Variants in TM4SF5 observed in about 807,000 individuals in gnomAD.
TM4SF5 encodes the protein transmembrane 4 L6 family member 5.
In TM4SF5, 16 loss-of-function variants were observed where a neutral mutation model predicts 22.3. That is an observed-to-expected ratio of 0.72 (90% CI 0.49 to 1.09). TM4SF5 has a LOEUF of 1.09. Among genes scored for constraint, TM4SF5 ranks in the 50% least tolerant of loss-of-function variants. The probability of loss-of-function intolerance (pLI) is 0.00; values close to 1 mark genes in which losing one functional copy is unlikely to be tolerated. For synonymous variants in TM4SF5, 113 were observed against 109.6 expected (o/e 1.03, Z -0.19); for missense variants, 249 against 266.1 (o/e 0.94, Z 0.45).
intron 1 of TM4SF5, among the ~76,000 whole-genome samples, chr17:4,773,158 G>C (rs1181509668): frequency 1.3e-5 from 2 of 151,994 alleles, no homozygotes; most frequent in African/African-American, 2.4e-5. Flanking sequence ...GCCCCCCTCG[G>C]CCTCCCAAAG....
chr17:4,782,618 G>T lies in TM4SF5; in HGVS notation c.374G>T (p.Gly125Val). The change falls in exon 3 of 5, where the codon GGC (glycine) becomes GTC (valine). Residue 125 changes from glycine (G) to valine (V), a missense_variant. Coordinates refer to ENST00000270560, the MANE Select transcript of TM4SF5 (RefSeq NM_003963.3). ...AGATGCTTAATGAACGGCGAGTGGG[G>T]CTACCACTTCGAAGACACCGCGTAA... Reference protein sequence around the residue: ...GPRCLMNGEWGYHFEDTAGAY... With the variant: ...GPRCLMNGEWVYHFEDTAGAY... 1 of 1,614,176 alleles carries T rather than the reference G, an allele frequency of 6.2e-7. No individual in the cohort carries two copies. The highest frequency in any genetic ancestry group is 8.5e-7 in the Non-Finnish European group (1 of 1,180,042).
At chr17:4,776,297 T>C (rs1421157864) in intron 1 of TM4SF5, among the ~76,000 whole-genome samples, 1 of 150,850 alleles carries the variant, frequency 6.6e-6, no homozygotes, top group African/African-American at 2.5e-5. Flanking sequence ...GTTTTTTTGC[T>C]TTTTTGCTTT....
intron 1 of TM4SF5, among the ~76,000 whole-genome samples, chr17:4,778,297 G>T (rs1917242664): frequency 6.6e-6 from 1 of 152,048 alleles, no homozygotes; most frequent in African/African-American, 2.4e-5. Context: ...ACAAAATGCT[G>T]CCTTGGATGG....
At position 4,780,838 on chromosome 17, in the gene TM4SF5, G is replaced by T; in HGVS notation, c.227G>T (p.Cys76Phe). ...GTTCGGGCAGGGGGCAAGGGCTGCT[G>T]TGGTGCTGGGTGCTGTGGAAACCGC... is the stretch of plus-strand genomic sequence containing the variant. ...AAVRAGGKGC[C>F]GAGCCGNRCR... is the part of the protein sequence containing the mutation. Residue 76 changes from cysteine to phenylalanine, a missense_variant, in exon 2 of 5, where the codon TGT becomes TTT. Physicochemically the swap from Cys to Phe is radical, Grantham distance 205 (BLOSUM62 -2). Coordinates refer to ENST00000270560, the MANE Select transcript of TM4SF5 (RefSeq NM_003963.3). The T allele has an allele frequency of 3.1e-6, 5 of 1,611,336 alleles. No individual in the cohort carries two copies. Among genetic ancestry groups the T allele is most frequent in the Non-Finnish European group, 4.2e-6 (5 of 1,178,686 alleles).
chr17:4,774,738 C>T (rs1917177444), intron 1 of TM4SF5, among the ~76,000 whole-genome samples: 2 of 151,946 alleles, frequency 1.3e-5, no homozygotes, highest in Non-Finnish European at 2.9e-5. Flanking sequence ...GAAATCCTGT[C>T]TCTACTAAAA....
intron 1 of TM4SF5, among the ~76,000 whole-genome samples, chr17:4,777,896 A>C (rs962978273): frequency 3.9e-5 from 6 of 152,006 alleles, no homozygotes; most frequent in African/African-American, 1.4e-4. Flanking sequence ...AAAAAGAAAA[A>C]ATTAGCTGAG....
In TM4SF5 at chr17:4,782,523, C is replaced by T. The variant is rs756162899; in HGVS notation, c.279C>T (p.Ser93=). The T allele has an allele frequency of 1.2e-6, 2 of 1,614,068 alleles. No individual in the cohort carries two copies. Among genetic ancestry groups the T allele is most frequent in the East Asian group, 2.2e-5 (1 of 44,872 alleles). The change falls in exon 3 of 5, where the codon TCC becomes TCT. Residue 93 remains serine, a synonymous_variant. Coordinates refer to ENST00000270560, the MANE Select transcript of TM4SF5 (RefSeq NM_003963.3). Reference sequence around the variant, plus strand: ...TCCAGATGCTGCGCTCGGTCTTCTCCTCGGCGTTCGGGGTGCTTGGTGCCA... The same window carrying T: ...TCCAGATGCTGCGCTCGGTCTTCTCTTCGGCGTTCGGGGTGCTTGGTGCCA... ...NRCRMLRSVF[S]SAFGVLGAIY... is the part of the protein sequence containing the mutation.
Position 4,777,072 on chromosome 17 carries a change from C to T in TM4SF5, c.178-3717C>T, listed in dbSNP as rs564438736. Among the ~76,000 whole-genome samples, 250 of 151,802 alleles carry T rather than the reference C, an allele frequency of 1.6e-3. 1 individual carries two copies. The highest frequency in any genetic ancestry group is 5.7e-3 in the African/African-American group (235 of 41,410). The stretch of plus-strand genomic sequence containing the variant: ...GTTAGCAGGGCATGGTGGTGCATGC[C>T]TGTAATCCCAGCTACTCGGAAGGCT... On this transcript the variant is annotated intron_variant, in intron 1 of 4. Coordinates refer to ENST00000270560, the MANE Select transcript of TM4SF5 (RefSeq NM_003963.3).
At chr17:4,773,865 C>CCCAAATATGCATTCACAGCTG (rs1383300312) in intron 1 of TM4SF5, among the ~76,000 whole-genome samples, 2 of 152,162 alleles carry the variant, frequency 1.3e-5, no homozygotes, top group Non-Finnish European at 2.9e-5. Flanking sequence ...GTCTGCCTTC[C>CCCAAATATGCATTCACAGCTG]CCAAATATGC....
chr17:4,772,152 G>C, intron 1 of TM4SF5, 53 bp downstream of exon 1: 1 of 1,604,526 alleles, frequency 6.2e-7, no homozygotes, highest in Non-Finnish European at 8.5e-7. Context: ...CCACCTAAGG[G>C]GTTCTGAACA....
chr17:4,781,854 G>A (rs1917315685), intron 2 of TM4SF5, among the ~76,000 whole-genome samples: 1 of 151,828 alleles, frequency 6.6e-6, no homozygotes, highest in Non-Finnish European at 1.5e-5. Flanking sequence ...CAAACCCCGG[G>A]CTTGCAGTTA....
intron 2 of TM4SF5, 63 bp from the exon 3 acceptor site, chr17:4,782,440 C>T: frequency 6.3e-7 from 1 of 1,596,562 alleles, no homozygotes; most frequent in Non-Finnish European, 8.6e-7. Context: ...GGGGCTGGCG[C>T]TGAGCGTCGT....
intron 1 of TM4SF5, 129 bp downstream of exon 1, chr17:4,772,228 C>T (rs1211085662): frequency 7.8e-6 from 9 of 1,156,786 alleles, no homozygotes; most frequent in African/African-American, 1.5e-5. Context: ...TTCGTGGGGG[C>T]TAGCAGCCCT....
chr17:4,779,541 T>C (rs772867000), intron 1 of TM4SF5, among the ~76,000 whole-genome samples: 1 of 152,046 alleles, frequency 6.6e-6, no homozygotes, highest in Non-Finnish European at 1.5e-5. Context: ...AACACCCTCA[T>C]GGGAGGTGAT....
rs1402349188 is a variant in TM4SF5 at position 4,771,897 on chromosome 17, C to T, written c.-26C>T. On this transcript the variant is annotated 5_prime_UTR_variant, in exon 1 of 5. Transcript: ENST00000270560. Reference sequence around the variant, plus strand: ...GGAACCACTGGCTTACTTTCACTCACCGCCTGTCCTTCCTGACACCTCACC... The same window carrying T: ...GGAACCACTGGCTTACTTTCACTCATCGCCTGTCCTTCCTGACACCTCACC... 6.2e-7 allele frequency: 1 copy of T among 1,613,684 alleles called. No homozygotes were observed. Among genetic ancestry groups the T allele is most frequent in the Admixed American group, 1.7e-5 (1 of 60,006 alleles).
At chr17:4,776,225 T>C (rs1045808725) in intron 1 of TM4SF5, among the ~76,000 whole-genome samples, 6 of 152,206 alleles carry the variant, frequency 3.9e-5, no homozygotes, top group Admixed American at 6.5e-5. Context: ...AGTTTTCTTT[T>C]TTTCTTATAC....
Position 4,780,810 on chromosome 17 carries a change from GC to G in TM4SF5, c.201del (p.Val68PhefsTer52), listed in dbSNP as rs1567708384. 3 of 1,610,764 alleles carry G rather than the reference GC, an allele frequency of 1.9e-6. No homozygotes were observed. The South Asian group carries it at 3.3e-5, about 18-fold the overall frequency. On this transcript the variant is annotated frameshift_variant, in exon 2 of 5. Transcript: ENST00000270560. LOFTEE classifies it high-confidence loss of function. ...GLMVLCPGIA[A>X]VRAGGKGCCG... ...ACAGGTACTGTGTCCGGGGATTGCA[GC>G]CGTTCGGGCAGGGGGCAAGGGCTGC...
chr17:4,775,847 G>C (rs1917194354), intron 1 of TM4SF5, among the ~76,000 whole-genome samples: 1 of 152,080 alleles, frequency 6.6e-6, no homozygotes, highest in Non-Finnish European at 1.5e-5. Context: ...TGGAATGATA[G>C]AGTATGTGTC....
At chr17:4,773,198 C>A (rs952091317) in intron 1 of TM4SF5, among the ~76,000 whole-genome samples, 1 of 152,102 alleles carries the variant, frequency 6.6e-6, no homozygotes, top group African/African-American at 2.4e-5. Context: ...AGCCACCGCC[C>A]CAGCTTACAT....
Sources: gnomAD v4.1 joint callset for allele counts (sites outside exome capture counted in the v4.1 genomes callset) on GRCh38, gnomAD v4.1.1 for gene constraint, MANE v1.5 for transcripts, NCBI Gene and HGNC (gene_info 2026-07-23, HGNC 2026-07-21) for gene names.